The following PRIM2 variants were observed in gnomAD, a reference collection of about 807,000 sequenced individuals.
PRIM2 encodes DNA primase subunit 2, also known as DNA primase large subunit.
A neutral mutation model predicts 67.3 loss-of-function variants in PRIM2; 39 were observed. The ratio of observed to expected loss-of-function variants is 0.58; its 90% CI spans 0.45 to 0.76. PRIM2 has a LOEUF of 0.76. Among genes scored for constraint, PRIM2 ranks in the 30% least tolerant of loss-of-function variants. PRIM2 has a pLI of 0.00. For missense variants in PRIM2, 398 were observed against 598.7 expected (o/e 0.66, Z 3.50); for synonymous variants, 143 against 198.7 (o/e 0.72, Z 2.36).
rs1466707320 is a variant in PRIM2 at position 57,639,641 on chromosome 6, G to T, written c.1300-6287G>T. ...GTAAACTAGAAAGTTTAGAAGAAATGGATACATTTCTGGACACATACACCC... is the reference window on the plus strand; with the variant it reads ...GTAAACTAGAAAGTTTAGAAGAAATTGATACATTTCTGGACACATACACCC... On this transcript the variant is annotated intron_variant, in intron 13 of 13. Transcript: ENST00000615550. 4.6e-4 allele frequency among the ~76,000 whole-genome samples: 21 copies of T among 45,972 alleles called. 1 individual carries two copies. Among genetic ancestry groups the T allele is most frequent in the Admixed American group, 1.2e-3 (6 of 4,990 alleles). 30.2% of individuals were successfully genotyped at this position (45,972 alleles called of 152,430 possible).
chr6:57,523,300 A>G (rs2127464969), intron 8 of PRIM2, among the ~76,000 whole-genome samples: 1 of 152,300 alleles, frequency 6.6e-6, no homozygotes, highest in East Asian at 1.9e-4. Context: ...AATCTTTGCA[A>G]AATCACACAG....
chr6:57,332,715 A>G (rs951130434), intron 5 of PRIM2, among the ~76,000 whole-genome samples: 2 of 152,076 alleles, frequency 1.3e-5, no homozygotes, highest in South Asian at 2.1e-4. Flanking sequence ...TTTACGTGAT[A>G]TGTCTTTTTC....
intron 7 of PRIM2, among the ~76,000 whole-genome samples, chr6:57,431,589 G>T (rs530410876): frequency 2.0e-5 from 3 of 152,038 alleles, no homozygotes; most frequent in Non-Finnish European, 2.9e-5. Flanking sequence ...TGAGGCTACA[G>T]TGAGCAATGA....
the PRIM2 span, among the ~76,000 whole-genome samples, chr6:57,240,090 T>TGG: frequency 1.1e-5 from 1 of 94,366 alleles, no homozygotes; most frequent in African/African-American, 4.1e-5. Flanking sequence ...ATCAATAATC[T>TGG]GTTTTTTTTT....
chr6:57,331,887 A>T (rs762110156), intron 5 of PRIM2, among the ~76,000 whole-genome samples: 10 of 148,800 alleles, frequency 6.7e-5, no homozygotes, highest in Non-Finnish European at 1.2e-4. Context: ...TATTCTCTAG[A>T]CTCTATTTCA....
chr6:57,336,248 G>T lies in PRIM2; in HGVS notation c.459+10203G>T, dbSNP rs566301673. Among the ~76,000 whole-genome samples the T allele has an allele frequency of 5.4e-3, 824 of 152,286 alleles. 5 individuals are homozygous for T. The highest frequency in any genetic ancestry group is 8.1e-3 in the Non-Finnish European group (552 of 68,028). On this transcript the variant is annotated intron_variant, in intron 5 of 13. Transcript: ENST00000615550. Reference sequence around the variant, plus strand: ...CTGCGTCTGATTGGTGTACCTGAAAGTGACGGGGAGAATGGAACCAAGTTG... The same window carrying T: ...CTGCGTCTGATTGGTGTACCTGAAATTGACGGGGAGAATGGAACCAAGTTG...
the PRIM2 span, among the ~76,000 whole-genome samples, chr6:57,274,322 C>T: frequency 3.3e-4 from 50 of 152,360 alleles, 2 homozygotes; most frequent in South Asian, 9.3e-3. Context: ...CAAGTCTCGG[C>T]AATGGCGGGT....
At chr6:57,336,558 C>T (rs1303669835) in intron 5 of PRIM2, among the ~76,000 whole-genome samples, 1 of 152,164 alleles carries the variant, frequency 6.6e-6, no homozygotes, top group East Asian at 1.9e-4. Context: ...CAATATTCAA[C>T]ATTCTTAAAG....
At chr6:57,310,752 A>T (rs1048062830), upstream of PRIM2, among the ~76,000 whole-genome samples, 2 of 136,426 alleles carry the variant, frequency 1.5e-5, no homozygotes, top group African/African-American at 2.8e-5. Flanking sequence ...CGGGGTGGCC[A>T]GGCAGAGGCG....
intron 7 of PRIM2, among the ~76,000 whole-genome samples, chr6:57,384,423 C>T (rs1770064311): frequency 6.6e-6 from 1 of 152,146 alleles, no homozygotes; most frequent in South Asian, 2.1e-4. Flanking sequence ...ATATCAGTCA[C>T]CTCTCAACTC....
chr6:57,603,756 T>C (rs1219899208), intron 11 of PRIM2, among the ~76,000 whole-genome samples: 18 of 151,600 alleles, frequency 1.2e-4, no homozygotes, highest in African/African-American at 4.4e-4. Flanking sequence ...GCATTGAATC[T>C]GTACATTACT....
At chr6:57,487,265 T>C (rs1773776258) in intron 7 of PRIM2, among the ~76,000 whole-genome samples, 1 of 152,228 alleles carries the variant, frequency 6.6e-6, no homozygotes, top group African/African-American at 2.4e-5. Flanking sequence ...GAAACTTCCG[T>C]GTTGCCCAGG....
At chr6:57,443,369 G>A (rs551740142) in intron 7 of PRIM2, among the ~76,000 whole-genome samples, 37 of 152,202 alleles carry the variant, frequency 2.4e-4, no homozygotes, top group African/African-American at 7.7e-4. Context: ...TCCTGCCAAC[G>A]GTTTACAAGT....
At chr6:57,366,792 G>C (rs1221420913) in intron 5 of PRIM2, among the ~76,000 whole-genome samples, 9 of 152,152 alleles carry the variant, frequency 5.9e-5, no homozygotes, top group African/African-American at 2.2e-4. Context: ...GCATTGAAAC[G>C]TGGAGAGCAA....
At position 57,429,612 on chromosome 6, in the gene PRIM2, G is replaced by C. The variant is rs1398062641; in HGVS notation, c.693+47444G>C. On this transcript the variant is annotated intron_variant, in intron 7 of 13. Transcript: ENST00000615550. ...ACTTCAGAATGTGACCGCATTTGGA[G>C]ATAGGGCCTTTAAAGAGACAATTAA... 2.0e-5 allele frequency among the ~76,000 whole-genome samples: 3 copies of C among 152,220 alleles called. No homozygotes were observed. The South Asian group carries it at 6.2e-4, about 32-fold the overall frequency.
intron 7 of PRIM2, chr6:57,497,673 T>C (rs1774035574): frequency 1.3e-5 from 2 of 152,240 alleles, no homozygotes; most frequent in Admixed American, 6.5e-5. Flanking sequence ...TTTTTAGAGC[T>C]TACATATTGA....
intron 7 of PRIM2, among the ~76,000 whole-genome samples, chr6:57,494,121 A>G (rs1227771294): frequency 6.6e-6 from 1 of 152,208 alleles, no homozygotes; most frequent in African/African-American, 2.4e-5. Flanking sequence ...TGCTTACTTT[A>G]CCCCAACTCT....
chr6:57,257,708 C>A, the PRIM2 span, among the ~76,000 whole-genome samples: 1 of 152,150 alleles, frequency 6.6e-6, no homozygotes, highest in Non-Finnish European at 1.5e-5. Context: ...TACCCTGGGG[C>A]AAGTTGCTTA....
At chr6:57,627,157 T>C (rs1221843507) in intron 12 of PRIM2, among the ~76,000 whole-genome samples, 2 of 149,718 alleles carry the variant, frequency 1.3e-5, no homozygotes, top group African/African-American at 4.9e-5. Flanking sequence ...GGTGCGCATC[T>C]GTAATCCTGG....
Sources: gnomAD v4.1 joint callset for allele counts (sites outside exome capture counted in the v4.1 genomes callset) on GRCh38, gnomAD v4.1.1 for gene constraint, MANE v1.5 for transcripts, NCBI Gene and HGNC (gene_info 2026-07-23, HGNC 2026-07-21) for gene names.